Variants in TTC34 observed in about 807,000 individuals in gnomAD.
The protein encoded by TTC34 is tetratricopeptide repeat protein 34.
In TTC34, 44 loss-of-function variants were observed where a neutral mutation model predicts 40.7. That is an observed-to-expected ratio of 1.08 (90% CI 0.85 to 1.39). TTC34 has a LOEUF of 1.39. Ranked by LOEUF, TTC34 falls within the 40% of genes most tolerant of loss-of-function variation. TTC34 has a pLI of 0.00. For missense variants in TTC34, 884 were observed against 838.0 expected, an observed-to-expected ratio of 1.05 and a Z score of -0.68; for synonymous variants, 422 against 398.6, an observed-to-expected ratio of 1.06 and a Z score of -0.70.
intron 6 of TTC34, among the ~76,000 whole-genome samples, chr1:2,751,360 C>T (rs1641312821): frequency 2.7e-5 from 4 of 147,072 alleles, no homozygotes; most frequent in East Asian, 2.0e-4. Flanking sequence ...TGGGTCGGCA[C>T]CCACACCCCC....
rs150878380 is a variant in TTC34 at position 2,779,597 on chromosome 1, A to G, written c.2226+4012T>C. 9.2e-3 allele frequency among the ~76,000 whole-genome samples: 1,398 copies of G among 152,336 alleles called. 15 individuals are homozygous for G. The highest frequency in any genetic ancestry group is 0.03 in the South Asian group (144 of 4,826). On this transcript the variant is annotated intron_variant, in intron 6 of 8. Coordinates refer to ENST00000401095, the Ensembl canonical transcript of TTC34. The stretch of plus-strand genomic sequence containing the variant: ...CTTGGCCTCTCAAAGTGCTGGGATT[A>G]CAGGCGTGAGCCACCACACCCAGCT...
intron 6 of TTC34, among the ~76,000 whole-genome samples, chr1:2,782,921 C>T (rs1340684815): frequency 1.3e-5 from 2 of 152,144 alleles, no homozygotes; most frequent in Non-Finnish European, 2.9e-5. Context: ...CAGAGTCAGA[C>T]CACATAGAAT....
intron 6 of TTC34, among the ~76,000 whole-genome samples, chr1:2,777,687 A>AGGG (rs1643301816): frequency 9.1e-5 from 6 of 65,716 alleles, no homozygotes; most frequent in East Asian, 6.9e-4. Context: ...GGCAGAGGGC[A>AGGG]TGGGGGGGGG....
chr1:2,778,101 TG>T (rs1464136009), intron 6 of TTC34, among the ~76,000 whole-genome samples: 1 of 152,136 alleles, frequency 6.6e-6, no homozygotes, highest in African/African-American at 2.4e-5. Context: ...GTGGGAAACT[TG>T]GGGGAAACTT....
rs552597502 is a variant in TTC34, at chr1:2,796,606, C to A, written c.784+3438G>T. Among the ~76,000 whole-genome samples the A allele has an allele frequency of 6.6e-6, 1 of 152,136 alleles. No individual in the cohort carries two copies. The highest frequency in any genetic ancestry group is 2.4e-5 in the African/African-American group (1 of 41,514). On this transcript the variant is annotated intron_variant, in intron 2 of 8. Transcript: ENST00000401095. The surrounding 1 kb of genome is among the most constrained non-coding windows in gnomAD (Gnocchi z 4.5). Reference sequence around the variant, plus strand: ...TCTGCAGAGAGCTTTAGTGTGACCCCCACCCACACCCTTAAGTCATGCCCT... The same window carrying A: ...TCTGCAGAGAGCTTTAGTGTGACCCACACCCACACCCTTAAGTCATGCCCT...
intron 6 of TTC34, among the ~76,000 whole-genome samples, chr1:2,751,375 G>A (rs2100431072): frequency 1.3e-5 from 2 of 148,532 alleles, no homozygotes; most frequent in African/African-American, 5.0e-5. Flanking sequence ...ACCCCCAGGT[G>A]CGCATCTGAT....
chr1:2,756,000 T>C (rs1305382064), intron 6 of TTC34, among the ~76,000 whole-genome samples: 6 of 80,382 alleles, frequency 7.5e-5, no homozygotes, highest in Non-Finnish European at 6.6e-5. Context: ...GGTGAGCATC[T>C]GACACCCTGA....
chr1:2,752,514 C>G (rs1641356666), intron 6 of TTC34, among the ~76,000 whole-genome samples: 5 of 142,262 alleles, frequency 3.5e-5, no homozygotes, highest in East Asian at 2.1e-4. Context: ...ATCTGACAGC[C>G]TGGAGCAGCA....
At chr1:2,756,776 A>G (rs1641521577) in intron 6 of TTC34, among the ~76,000 whole-genome samples, 10 of 136,802 alleles carry the variant, frequency 7.3e-5, no homozygotes, top group Non-Finnish European at 1.1e-4. Flanking sequence ...AGCCTGGAAC[A>G]GCATCCACAC....
intron 8 of TTC34, among the ~76,000 whole-genome samples, chr1:2,643,833 A>T (rs1033034088): frequency 6.6e-6 from 1 of 152,126 alleles, no homozygotes; most frequent in Non-Finnish European, 1.5e-5. Context: ...CCCAGGCCCC[A>T]CTGGGGTGTA....
chr1:2,748,485 G>GTGGAACAGCACCCACACCCCCA (rs1641217789), intron 6 of TTC34, among the ~76,000 whole-genome samples: 8 of 47,394 alleles, frequency 1.7e-4, no homozygotes, highest in Non-Finnish European at 2.5e-4. Flanking sequence ...CCACATCCCC[G>GTGGAACAGCACCCACACCCCCA]GGTGAGCATC....
chr1:2,780,029 G>T (rs539860402), intron 6 of TTC34, among the ~76,000 whole-genome samples: 1 of 152,138 alleles, frequency 6.6e-6, no homozygotes, highest in South Asian at 2.1e-4. Flanking sequence ...CAGGAGAATC[G>T]CTTGAACCCC....
chr1:2,782,327 C>T (rs1643496171), intron 6 of TTC34, among the ~76,000 whole-genome samples: 1 of 151,994 alleles, frequency 6.6e-6, no homozygotes, highest in Non-Finnish European at 1.5e-5. Context: ...ATTTTTATTT[C>T]TGTAGAATTG....
At chr1:2,748,492 C>T (rs1641218503) in intron 6 of TTC34, among the ~76,000 whole-genome samples, 6 of 138,402 alleles carry the variant, frequency 4.3e-5, no homozygotes, top group South Asian at 4.3e-4. Flanking sequence ...CCCGGGTGAG[C>T]ATCCGATAGC....
chr1:2,785,410 G>C (rs926188642), intron 5 of TTC34, among the ~76,000 whole-genome samples: 1 of 152,150 alleles, frequency 6.6e-6, no homozygotes, highest in Non-Finnish European at 1.5e-5. Flanking sequence ...CCCCCGTGCT[G>C]GGTGTCCCAG....
chr1:2,777,436 A>G (rs1287852943), intron 6 of TTC34, among the ~76,000 whole-genome samples: 1 of 150,244 alleles, frequency 6.7e-6, no homozygotes, highest in African/African-American at 2.5e-5. Flanking sequence ...AGCATCTGAC[A>G]GCATGGACAA....
chr1:2,683,850 G>A (rs1199694584), intron 6 of TTC34, among the ~76,000 whole-genome samples: 3 of 149,640 alleles, frequency 2.0e-5, no homozygotes, highest in African/African-American at 7.5e-5. Flanking sequence ...GTGAACATCC[G>A]ACAGCCTGGA....
intron 4 of TTC34, among the ~76,000 whole-genome samples, chr1:2,786,737 C>T (rs1352219626): frequency 1.3e-5 from 2 of 152,180 alleles, no homozygotes; most frequent in African/African-American, 2.4e-5. Context: ...GGTCGCTGGG[C>T]GAGGGGAGAC....
At chr1:2,662,816 A>AACG (rs1243118421) in intron 6 of TTC34, among the ~76,000 whole-genome samples, 3 of 31,846 alleles carry the variant, frequency 9.4e-5, no homozygotes, top group Non-Finnish European at 1.7e-4. Context: ...GGAGCATCTG[A>AACG]CATCCTGGAG....
Sources: allele counts gnomAD v4.1 joint callset (sites outside exome capture counted in the v4.1 genomes callset), GRCh38; gene constraint gnomAD v4.1.1; non-coding constraint Gnocchi (gnomAD v3.1); transcripts MANE v1.5; gene names NCBI Gene and HGNC (gene_info 2026-07-23, HGNC 2026-07-21).